Variants in SUMF1 observed in about 807,000 individuals in gnomAD.
The protein encoded by SUMF1 is formylglycine-generating enzyme.
Under a neutral mutation model 47.6 loss-of-function variants are expected in SUMF1, and 48 were observed. The observed-to-expected ratio is 1.01, with a 90% CI of 0.80 to 1.28. The LOEUF is 1.28. SUMF1 is among the 50% of genes most tolerant of loss of function. The pLI, the probability that SUMF1 is intolerant of heterozygous loss-of-function variation, is 0.00. For missense variants in SUMF1, 571 were observed against 485.4 expected (o/e 1.18, Z -1.66); for synonymous variants, 230 against 192.1 (o/e 1.20, Z -1.63).
intron 8 of SUMF1, among the ~76,000 whole-genome samples, chr3:4,144,378 T>G (rs1051641406): frequency 6.6e-6 from 1 of 152,106 alleles, no homozygotes; most frequent in East Asian, 1.9e-4. Flanking sequence ...CTTGAGATAC[T>G]TTGGGAAGGT....
chr3:4,296,467 GT>G (rs1479916567), intron 8 of SUMF1, among the ~76,000 whole-genome samples: 2 of 145,286 alleles, frequency 1.4e-5, no homozygotes, highest in Non-Finnish European at 3.1e-5. Context: ...TGGACTCACA[GT>G]TTCACATGGC....
intron 8 of SUMF1, chr3:4,317,375 G>A (rs1698707616): frequency 7.3e-6 from 5 of 689,650 alleles, no homozygotes; most frequent in Admixed American, 2.9e-5. Flanking sequence ...TAGATTCCAC[G>A]GACTTTATTA....
intron 8 of SUMF1, among the ~76,000 whole-genome samples, chr3:4,347,569 C>T (rs1482576110): frequency 1.3e-5 from 2 of 152,170 alleles, no homozygotes; most frequent in Admixed American, 6.5e-5. Flanking sequence ...AACCCACAGC[C>T]AATATCTTAT....
intron 8 of SUMF1, among the ~76,000 whole-genome samples, chr3:4,366,077 G>A (rs2819559): frequency 0.97 from 146,513 of 151,344 alleles, 71,142 homozygotes; most frequent in Non-Finnish European, 0.99. Context: ...AGTTTCTGCC[G>A]AGAGATCCGC....
intron 3 of SUMF1, among the ~76,000 whole-genome samples, chr3:4,426,612 G>A (rs966293813): frequency 3.3e-5 from 5 of 152,154 alleles, no homozygotes; most frequent in African/African-American, 1.2e-4. Context: ...ATTTCATCAA[G>A]GCTATACTGC....
intron 8 of SUMF1, among the ~76,000 whole-genome samples, chr3:4,151,413 GTA>G (rs1171990502): frequency 7.1e-6 from 1 of 141,274 alleles, no homozygotes; most frequent in African/African-American, 2.8e-5. Context: ...ATGTATATAT[GTA>G]TATATGTGTA....
chr3:4,299,721 G>A (rs976855836), intron 8 of SUMF1, among the ~76,000 whole-genome samples: 6 of 152,166 alleles, frequency 3.9e-5, no homozygotes. Flanking sequence ...GAGGCAGGAA[G>A]ACTGCTTGAA....
At chr3:4,320,081 A>G (rs1012804869) in intron 8 of SUMF1, among the ~76,000 whole-genome samples, 1 of 152,200 alleles carries the variant, frequency 6.6e-6, no homozygotes, top group Non-Finnish European at 1.5e-5. Context: ...TGTATACATG[A>G]CATTGTGTAT....
At chr3:4,083,024 A>G (rs1205637572) in intron 8 of SUMF1, among the ~76,000 whole-genome samples, 1 of 152,120 alleles carries the variant, frequency 6.6e-6, no homozygotes, top group Non-Finnish European at 1.5e-5. Context: ...TATTTAGAAA[A>G]TATCTAAATG....
intron 8 of SUMF1, among the ~76,000 whole-genome samples, chr3:4,315,274 T>C (rs907891263): frequency 3.3e-5 from 5 of 152,118 alleles, no homozygotes; most frequent in Admixed American, 2.6e-4. Context: ...GCTCACAAGC[T>C]CACCTAATAA....
chr3:4,160,547 T>C (rs992492225), intron 8 of SUMF1, among the ~76,000 whole-genome samples: 15 of 152,092 alleles, frequency 9.9e-5, no homozygotes, highest in African/African-American at 3.6e-4. Flanking sequence ...TATTTTCAAA[T>C]ACTCTCTCTT....
chr3:4,306,748 A>G (rs1698206326), intron 8 of SUMF1, among the ~76,000 whole-genome samples: 1 of 152,270 alleles, frequency 6.6e-6, no homozygotes, highest in Non-Finnish European at 1.5e-5. Flanking sequence ...CTTCACAGGC[A>G]TATGCACACA....
chr3:4,408,159 G>C (rs1192897171), intron 7 of SUMF1, among the ~76,000 whole-genome samples: 1 of 152,120 alleles, frequency 6.6e-6, no homozygotes, highest in Non-Finnish European at 1.5e-5. Flanking sequence ...TGAAAGCCAA[G>C]AACAACAGAA....
At chr3:4,097,264 G>A (rs1229094791) in intron 8 of SUMF1, among the ~76,000 whole-genome samples, 2 of 152,042 alleles carry the variant, frequency 1.3e-5, no homozygotes, top group Non-Finnish European at 2.9e-5. Context: ...TAAAACCTCT[G>A]GTTGAGCCAG....
chr3:4,464,291 G>A (rs1220733601), intron 1 of SUMF1, among the ~76,000 whole-genome samples: 1 of 150,958 alleles, frequency 6.6e-6, no homozygotes, highest in East Asian at 1.9e-4. Context: ...TTTTTTTGAG[G>A]CACTACTCGA....
At chr3:4,402,824 T>G (rs1444458918) in intron 7 of SUMF1, among the ~76,000 whole-genome samples, 2 of 152,086 alleles carry the variant, frequency 1.3e-5, no homozygotes, top group African/African-American at 4.8e-5. Context: ...ATTTTTAAAA[T>G]CATTTTGTAA....
At chr3:4,253,244 A>C (rs1696848356) in intron 8 of SUMF1, among the ~76,000 whole-genome samples, 1 of 152,140 alleles carries the variant, frequency 6.6e-6, no homozygotes, top group South Asian at 2.1e-4. Context: ...AAAAAAATGG[A>C]AATAGGGGGA....
At chr3:4,131,168 T>C (rs1329746627) in intron 8 of SUMF1, among the ~76,000 whole-genome samples, 4 of 152,222 alleles carry the variant, frequency 2.6e-5, no homozygotes, top group East Asian at 1.9e-4. Context: ...GGGTGTTTTC[T>C]GACCCATCTA....
At chr3:4,350,354 TATAA>T (rs1396408714) in intron 8 of SUMF1, among the ~76,000 whole-genome samples, 3 of 57,516 alleles carry the variant, frequency 5.2e-5, no homozygotes, top group Non-Finnish European at 1.2e-4. Flanking sequence ...TGTGTGTGTG[TATAA>T]TTGTGTGTGT....
Sources: gnomAD v4.1 joint callset for allele counts (sites outside exome capture counted in the v4.1 genomes callset) on GRCh38, gnomAD v4.1.1 for gene constraint, MANE v1.5 for transcripts, NCBI Gene and HGNC (gene_info 2026-07-23, HGNC 2026-07-21) for gene names.